The following PTP4A1 variants were observed in gnomAD, a reference collection of about 807,000 sequenced individuals.
The protein encoded by PTP4A1 is protein tyrosine phosphatase type IVA 1.
A neutral mutation model predicts 20.5 loss-of-function variants in PTP4A1; 9 were observed. The observed-to-expected ratio is 0.44, with a 90% CI of 0.26 to 0.77. The LOEUF is 0.77. Ranked by LOEUF, PTP4A1 falls within the 30% of genes least tolerant of loss-of-function variation. The pLI is 0.19. For synonymous variants in PTP4A1, 78 were observed against 67.4 expected, an observed-to-expected ratio of 1.16 and a Z score of -0.77; for missense variants, 137 against 218.8, an observed-to-expected ratio of 0.63 and a Z score of 2.36.
intron 2 of PTP4A1, among the ~76,000 whole-genome samples, chr6:63,547,482 G>A (rs1226534979): frequency 2.0e-5 from 3 of 147,428 alleles, no homozygotes; most frequent in East Asian, 2.0e-4. Flanking sequence ...CTGCCACCTC[G>A]CCCGGCCAGG....
At chr6:63,522,154 C>A (rs1774950899) in intron 1 of PTP4A1, among the ~76,000 whole-genome samples, 1 of 152,136 alleles carries the variant, frequency 6.6e-6, no homozygotes, top group South Asian at 2.1e-4. Context: ...ATTTCCTTAT[C>A]CCAACTCTAT....
chr6:63,551,130 A>G (rs780972506), intron 3 of PTP4A1, among the ~76,000 whole-genome samples: 22 of 152,048 alleles, frequency 1.4e-4, no homozygotes, highest in Non-Finnish European at 2.8e-4. Flanking sequence ...CAGTTGCTCA[A>G]TCTCTGCTCA....
At chr6:63,523,512 AAAAT>A (rs79905080) in intron 1 of PTP4A1, among the ~76,000 whole-genome samples, 4 of 152,152 alleles carry the variant, frequency 2.6e-5, no homozygotes, top group Admixed American at 6.5e-5. Context: ...CTCCATCTCA[AAAAT>A]AAATAAATAA....
At position 63,579,440 on chromosome 6, in the gene PTP4A1, A is replaced by G. The variant is rs1581951400; in HGVS notation, c.404+109A>G. ...TTAATCATTATGATTATTTTTTGAG[A>G]TAGTATTAAAACCAGGAAATCAAGA... On this transcript the variant is annotated intron_variant, in intron 5 of 5. Coordinates refer to ENST00000626021, the MANE Select transcript of PTP4A1 (RefSeq NM_003463.5). 3 of 762,846 alleles carry G rather than the reference A, an allele frequency of 3.9e-6. No homozygotes were observed. In the East Asian group the frequency reaches 9.5e-5, roughly 24 times the overall value. 47.3% of individuals were successfully genotyped at this position (762,846 alleles called of 1,614,324 possible). A position where few individuals can be genotyped will look rare whatever the true frequency, so the allele number is the denominator to read the frequency against.
chr6:63,534,140 GC>G lies in PTP4A1; in HGVS notation c.-640+6058del, dbSNP rs903512997. On this transcript the variant is annotated intron_variant, in intron 2 of 3. Transcript: ENST00000639568. ...TTACAGGCATGAGCCACAGTGCCCA[GC>G]CGAACAAACATTTTTTTAATGTGGA... Among the ~76,000 whole-genome samples, 181 of 152,130 alleles carry G rather than the reference GC, an allele frequency of 1.2e-3. 3 individuals carry two copies. Among genetic ancestry groups the G allele is most frequent in the African/African-American group, 3.8e-3 (159 of 41,492 alleles).
intron 1 of PTP4A1, among the ~76,000 whole-genome samples, chr6:63,527,235 T>G (rs1468330113): frequency 6.6e-6 from 1 of 152,202 alleles, no homozygotes; most frequent in East Asian, 1.9e-4. Flanking sequence ...TATGTGCACA[T>G]TTTAAACAGA....
chr6:63,564,972 A>T (rs77632793), intron 3 of PTP4A1, among the ~76,000 whole-genome samples: 2 of 152,182 alleles, frequency 1.3e-5, no homozygotes, highest in African/African-American at 2.4e-5. Context: ...CATGCAAATG[A>T]AAAGTATTCT....
intron 3 of PTP4A1, among the ~76,000 whole-genome samples, chr6:63,562,201 C>CTTTTTT (rs60593360): frequency 7.3e-6 from 1 of 137,326 alleles, no homozygotes; most frequent in Non-Finnish European, 1.6e-5. Flanking sequence ...TTTTCTTTTT[C>CTTTTTT]TTTTTTTTTT....
At chr6:63,532,580 T>G (rs2149478473) in intron 2 of PTP4A1, among the ~76,000 whole-genome samples, 1 of 151,860 alleles carries the variant, frequency 6.6e-6, no homozygotes, top group Non-Finnish European at 1.5e-5. Context: ...AAAAAAAAAA[T>G]CTCCCCATTC....
upstream of PTP4A1, among the ~76,000 whole-genome samples, chr6:63,521,393 T>A (rs1298494631): frequency 6.6e-6 from 1 of 152,138 alleles, no homozygotes; most frequent in Non-Finnish European, 1.5e-5. Context: ...TTCTCCCCAA[T>A]CTAATTATTT....
upstream of PTP4A1, among the ~76,000 whole-genome samples, chr6:63,570,848 T>C (rs1019731663): frequency 6.6e-6 from 1 of 152,204 alleles, no homozygotes; most frequent in African/African-American, 2.4e-5. Context: ...AAATTGACAT[T>C]TGTCAAAAGC....
At chr6:63,573,526 G>A (rs1777633141) in intron 1 of PTP4A1, 2 of 152,268 alleles carry the variant, frequency 1.3e-5, no homozygotes, top group Admixed American at 1.3e-4. Context: ...GCGTGCTCGG[G>A]CGCACACAGC....
chr6:63,571,818 TTC>T (rs1364774413), upstream of PTP4A1: 1 of 152,272 alleles, frequency 6.6e-6, no homozygotes, highest in Non-Finnish European at 1.5e-5. Context: ...TCTCCCCATC[TTC>T]TATAGCCTTA....
chr6:63,529,152 T>C (rs1409791296), intron 2 of PTP4A1, among the ~76,000 whole-genome samples: 7 of 107,148 alleles, frequency 6.5e-5, no homozygotes, highest in African/African-American at 9.4e-5. Flanking sequence ...TATATATGTA[T>C]ATATATGTGT....
chr6:63,583,050 A>G lies in PTP4A1; in HGVS notation c.*2876A>G, dbSNP rs1447952625. The stretch of plus-strand genomic sequence containing the variant: ...TTTGCCAGGCATTTAAGAATATGGC[A>G]AAGAACATAAAAGATGGTGTCACCA... On this transcript the variant is annotated 3_prime_UTR_variant, in exon 6 of 6. Coordinates refer to ENST00000626021, the MANE Select transcript of PTP4A1 (RefSeq NM_003463.5). 6.6e-6 allele frequency: 1 copy of G among 152,186 alleles called. No individual in the cohort carries two copies. Among genetic ancestry groups the G allele is most frequent in the African/African-American group, 2.4e-5 (1 of 41,456 alleles). The allele number at this position is 152,186 out of a possible 1,614,324, so 9.4% of individuals were successfully genotyped here.
At chr6:63,519,548 G>A (rs1038350038), upstream of PTP4A1, among the ~76,000 whole-genome samples, 4 of 152,148 alleles carry the variant, frequency 2.6e-5, no homozygotes, top group Non-Finnish European at 5.9e-5. Context: ...CACTAATAAG[G>A]GTAAAGACAC....
chr6:63,555,981 G>C (rs960793701), intron 3 of PTP4A1, among the ~76,000 whole-genome samples: 2 of 151,648 alleles, frequency 1.3e-5, no homozygotes, highest in Non-Finnish European at 2.9e-5. Context: ...GTGAGCCACC[G>C]TACCTGGCCT....
intron 1 of PTP4A1, among the ~76,000 whole-genome samples, chr6:63,523,792 ATTC>A (rs1415314496): frequency 1.1e-4 from 16 of 152,130 alleles, no homozygotes; most frequent in African/African-American, 3.6e-4. Flanking sequence ...GGCCCAGACA[ATTC>A]TTCTTTCAGT....
upstream of PTP4A1, among the ~76,000 whole-genome samples, chr6:63,521,083 C>T (rs1423883570): frequency 1.3e-5 from 2 of 151,290 alleles, no homozygotes; most frequent in South Asian, 4.2e-4. Context: ...GGGCCTGTCA[C>T]GGGGTGGGGG....
Sources: allele counts gnomAD v4.1 joint callset (sites outside exome capture counted in the v4.1 genomes callset), GRCh38; gene constraint gnomAD v4.1.1; transcripts MANE v1.5; gene names NCBI Gene and HGNC (gene_info 2026-07-23, HGNC 2026-07-21).